FOXJ3: variants seen among roughly 807,000 people sequenced by gnomAD.
The protein encoded by FOXJ3 is forkhead box protein J3.
A neutral mutation model predicts 76.1 loss-of-function variants in FOXJ3; 22 were observed. That is an observed-to-expected ratio of 0.29 (90% CI 0.21 to 0.41). The LOEUF (loss-of-function observed/expected upper bound fraction) is 0.41. FOXJ3 is among the 10% of genes least tolerant of loss of function. The probability of loss-of-function intolerance (pLI) is 1.00; values close to 1 mark genes in which losing one functional copy is unlikely to be tolerated. For synonymous variants in FOXJ3, 269 were observed against 261.2 expected, an observed-to-expected ratio of 1.03 and a Z score of -0.29; for missense variants, 613 against 762.1, an observed-to-expected ratio of 0.80 and a Z score of 2.30.
At chr1:42,229,490 A>G (rs1156956938) in intron 4 of FOXJ3, among the ~76,000 whole-genome samples, 1 of 152,174 alleles carries the variant, frequency 6.6e-6, no homozygotes, top group Non-Finnish European at 1.5e-5. Context: ...GTCAGTGTAC[A>G]CTGTTGGGGT....
intron 4 of FOXJ3, among the ~76,000 whole-genome samples, chr1:42,254,902 C>T (rs1650454096): frequency 6.7e-6 from 1 of 149,848 alleles, no homozygotes; most frequent in Non-Finnish European, 1.5e-5. Flanking sequence ...CAGCATGGCA[C>T]ATGTACACAT....
At chr1:42,249,373 T>C (rs1239031359) in intron 4 of FOXJ3, among the ~76,000 whole-genome samples, 2 of 152,112 alleles carry the variant, frequency 1.3e-5, no homozygotes, top group African/African-American at 2.4e-5. Context: ...AAAGTAGTCA[T>C]TAAGAGAAAA....
At chr1:42,192,498 AC>A (rs1432703333) in intron 8 of FOXJ3, among the ~76,000 whole-genome samples, 1 of 152,242 alleles carries the variant, frequency 6.6e-6, no homozygotes, top group African/African-American at 2.4e-5. Flanking sequence ...TTACTCTTTA[AC>A]AAGAAGGGAA....
At chr1:42,205,640 A>C in intron 6 of FOXJ3, 122 bp downstream of exon 6, 3 of 648,304 alleles carry the variant, frequency 4.6e-6, no homozygotes, top group Non-Finnish European at 5.5e-6. Context: ...GCTACCATGC[A>C]TAGGGTAGAC....
At chr1:42,268,508 T>C (rs1651638991) in intron 3 of FOXJ3, among the ~76,000 whole-genome samples, 1 of 151,420 alleles carries the variant, frequency 6.6e-6, no homozygotes, top group Non-Finnish European at 1.5e-5. Context: ...TGGTAAAAAA[T>C]GAAGGTAGAT....
intron 4 of FOXJ3, among the ~76,000 whole-genome samples, chr1:42,241,315 A>ACTTG (rs1649123778): frequency 1.3e-5 from 2 of 152,198 alleles, no homozygotes; most frequent in Non-Finnish European, 1.5e-5. Context: ...TAGCCACAGC[A>ACTTG]TACTTGTACA....
chr1:42,266,160 T>C (rs902298941), intron 3 of FOXJ3, among the ~76,000 whole-genome samples: 2 of 152,172 alleles, frequency 1.3e-5, no homozygotes, highest in Admixed American at 1.3e-4. Context: ...TAAAATTCAG[T>C]AGTCTAACAA....
At chr1:42,318,168 A>G (rs1655231789) in intron 1 of FOXJ3, among the ~76,000 whole-genome samples, 1 of 152,224 alleles carries the variant, frequency 6.6e-6, no homozygotes. Flanking sequence ...TGCAGTTAGA[A>G]GACCAAGTTA....
chr1:42,245,906 T>C (rs1306587999), intron 4 of FOXJ3, among the ~76,000 whole-genome samples: 2 of 152,076 alleles, frequency 1.3e-5, no homozygotes, highest in African/African-American at 4.8e-5. Context: ...ACCTTACATC[T>C]AGAAAATCCT....
chr1:42,290,204 T>C (rs1478640337), intron 2 of FOXJ3, among the ~76,000 whole-genome samples: 3 of 152,070 alleles, frequency 2.0e-5, no homozygotes, highest in Non-Finnish European at 2.9e-5. Flanking sequence ...ACACCACCAG[T>C]CAATTCATTG....
chr1:42,244,708 T>C (rs1252888670), intron 4 of FOXJ3, among the ~76,000 whole-genome samples: 2 of 149,754 alleles, frequency 1.3e-5, no homozygotes, highest in Non-Finnish European at 3.0e-5. Context: ...AAAGAAGATG[T>C]AACAACTGAC....
At chr1:42,186,609 A>G (rs1646441277) in intron 11 of FOXJ3, among the ~76,000 whole-genome samples, 1 of 152,148 alleles carries the variant, frequency 6.6e-6, no homozygotes, top group Admixed American at 6.5e-5. Context: ...ACAGAAGTTG[A>G]GGAACAAAGG....
intron 6 of FOXJ3, among the ~76,000 whole-genome samples, chr1:42,200,781 C>A (rs1182236606): frequency 6.6e-6 from 1 of 152,120 alleles, no homozygotes; most frequent in Non-Finnish European, 1.5e-5. Flanking sequence ...CCGCACCTGG[C>A]CTTCAATATT....
At chr1:42,335,666 A>G (rs1381158335), upstream of FOXJ3, 1 of 149,976 alleles carries the variant, frequency 6.7e-6, no homozygotes, top group Non-Finnish European at 1.5e-5. Flanking sequence ...AGGAAAGCGG[A>G]CGCCTTTTCC....
At chr1:42,331,382 AAAT>A (rs202136162) in intron 1 of FOXJ3, among the ~76,000 whole-genome samples, 4 of 152,078 alleles carry the variant, frequency 2.6e-5, no homozygotes, top group East Asian at 3.9e-4. Flanking sequence ...ACTCTGTCTC[AAAT>A]AATAATAATA....
intron 3 of FOXJ3, among the ~76,000 whole-genome samples, chr1:42,274,986 A>G (rs1176735028): frequency 6.6e-6 from 1 of 152,228 alleles, no homozygotes; most frequent in African/African-American, 2.4e-5. Flanking sequence ...GTAGGCTGGA[A>G]TGGCGAGAAG....
intron 4 of FOXJ3, among the ~76,000 whole-genome samples, chr1:42,246,814 G>A (rs1053602365): frequency 2.6e-5 from 4 of 151,994 alleles, no homozygotes; most frequent in African/African-American, 9.7e-5. Flanking sequence ...TGGCTGAATG[G>A]GATAAAGAAC....
intron 7 of FOXJ3, among the ~76,000 whole-genome samples, chr1:42,198,729 T>A (rs932207299): frequency 1.5e-4 from 23 of 152,202 alleles, no homozygotes; most frequent in African/African-American, 5.1e-4. Context: ...TTCTCAGATC[T>A]ACAGCTGGAA....
chr1:42,197,135 T>G (rs947360401), intron 7 of FOXJ3, among the ~76,000 whole-genome samples: 3 of 152,194 alleles, frequency 2.0e-5, no homozygotes, highest in Admixed American at 6.5e-5. Context: ...GGCATAATAT[T>G]TGTTATTCCA....
Sources: gnomAD v4.1 joint callset for allele counts (sites outside exome capture counted in the v4.1 genomes callset) on GRCh38, gnomAD v4.1.1 for gene constraint, MANE v1.5 for transcripts, NCBI Gene and HGNC (gene_info 2026-07-23, HGNC 2026-07-21) for gene names.